Variants in DISP3 observed in about 807,000 individuals in gnomAD.
DISP3 encodes the protein protein dispatched homolog 3.
DISP3 carries 101 observed loss-of-function variants against 135.3 expected under a neutral mutation model. That is an observed-to-expected ratio of 0.75 (90% confidence interval 0.64 to 0.88). The LOEUF (loss-of-function observed/expected upper bound fraction) is 0.88, where lower values mean the gene tolerates loss of function less well. Among genes scored for constraint, DISP3 ranks in the 40% least tolerant of loss-of-function variants. DISP3 has a pLI of 0.00. For missense variants in DISP3, 1,713 were observed against 1,878.6 expected (o/e 0.91, Z 1.63); for synonymous variants, 856 against 817.0 (o/e 1.05, Z -0.81).
chr1:11,502,836 C>G lies in DISP3; in HGVS notation c.1255C>G (p.Arg419Gly). Residue 419 changes from arginine (R) to glycine (G), a missense_variant, in exon 3 of 21, where the codon CGG becomes GGG. Physicochemically the swap from Arg to Gly is moderately radical, Grantham distance 125 (BLOSUM62 -2). This residue lies in a region of DISP3 where 1,142 missense variants were observed against 1,384.6 expected (regional missense o/e 0.82). Transcript: ENST00000294484. ...YSVDDRWEEQ[R>G]AKFQSFVVTY... ...AGTAGATGACCGCTGGGAGGAACAA[C>G]GGGCTAAGTTTCAGAGCTTCGTGGT... is the stretch of plus-strand genomic sequence containing the variant. The G allele has an allele frequency of 1.2e-6, 2 of 1,614,220 alleles. No individual in the cohort carries two copies. Among genetic ancestry groups the G allele is most frequent in the Middle Eastern group, 1.7e-4 (1 of 6,050 alleles).
At chr1:11,481,098 C>G (rs1384410813) in intron 1 of DISP3, among the ~76,000 whole-genome samples, 2 of 151,848 alleles carry the variant, frequency 1.3e-5, no homozygotes, top group African/African-American at 2.4e-5. Context: ...CACATGCACC[C>G]TCTTTTTTTG....
chr1:11,498,316 G>C (rs1010158469), intron 1 of DISP3, among the ~76,000 whole-genome samples: 2 of 152,206 alleles, frequency 1.3e-5, no homozygotes, highest in African/African-American at 4.8e-5. Flanking sequence ...ATGACCGGGG[G>C]CTGGAATTGT....
chr1:11,500,256 G>A (rs1641465040), intron 1 of DISP3, among the ~76,000 whole-genome samples: 1 of 152,270 alleles, frequency 6.6e-6, no homozygotes, highest in South Asian at 2.1e-4. Context: ...GGAGAGCCGT[G>A]ACAGGCACCT....
In DISP3 at chr1:11,521,936, G is replaced by A. The variant is rs185708834; in HGVS notation, c.2362+1088G>A. ...AGTCTCCCAGGTGCTGTGTGGAGGTGGACTAGGGCACTGGGGTGGAAGCTA... is the reference window on the plus strand; with the variant it reads ...AGTCTCCCAGGTGCTGTGTGGAGGTAGACTAGGGCACTGGGGTGGAAGCTA... On this transcript the variant is annotated intron_variant, in intron 10 of 20. Transcript: ENST00000294484. Among the ~76,000 whole-genome samples, 116 of 152,252 alleles carry A rather than the reference G, an allele frequency of 7.6e-4. 1 individual carries two copies. The South Asian group carries it at 0.017, about 22-fold the overall frequency.
At chr1:11,522,636 C>CAGGACCCAGCG (rs1360736386) in intron 10 of DISP3, among the ~76,000 whole-genome samples, 1 of 113,640 alleles carries the variant, frequency 8.8e-6, no homozygotes, top group Non-Finnish European at 2.0e-5. Context: ...AGAGCCCAGC[C>CAGGACCCAGCG]AGAGCCCAGC....
intron 1 of DISP3, among the ~76,000 whole-genome samples, chr1:11,494,891 AGG>A (rs1641288827): frequency 6.6e-6 from 1 of 152,004 alleles, no homozygotes; most frequent in Non-Finnish European, 1.5e-5. Context: ...TTGCCAGAGG[AGG>A]GAAGTTATAA....
chr1:11,501,938 T>G lies in DISP3; in HGVS notation c.946T>G (p.Trp316Gly). The change falls in exon 2 of 21, where the codon TGG becomes GGG. Residue 316 changes from tryptophan to glycine, a missense_variant. Trp to Gly is a radical substitution (Grantham distance 184). Around this residue, in one of 2 missense-constraint regions of DISP3, gnomAD observed 571 missense variants for 494.1 expected, o/e 1.16. Coordinates refer to ENST00000294484, the MANE Select transcript of DISP3 (RefSeq NM_020780.2). This position sits in a 1 kb window ranked among gnomAD's most constrained non-coding sequence, Gnocchi z 4.9. ...CCACCCAGGCTTCCGGGAGTTCTGC[T>G]GGAAGCCCCACGAGGTGCTCAAGGA... Reference protein sequence around the residue: ...MDHPGFREFCWKPHEVLKDLP... With the variant: ...MDHPGFREFCGKPHEVLKDLP... The G allele has an allele frequency of 6.2e-7, 1 of 1,613,776 alleles. No individual in the cohort carries two copies. The highest frequency in any genetic ancestry group is 8.5e-7 in the Non-Finnish European group (1 of 1,179,932).
At position 11,519,716 on chromosome 1, in the gene DISP3, C is replaced by A; in HGVS notation, c.2039-3C>A. 6.2e-7 allele frequency: 1 copy of A among 1,612,222 alleles called. No individual in the cohort carries two copies. The highest frequency in any genetic ancestry group is 8.5e-7 in the Non-Finnish European group (1 of 1,179,702). On this transcript the variant is annotated splice_region_variant and splice_polypyrimidine_tract_variant and intron_variant, in intron 8 of 20. Transcript: ENST00000294484. The surrounding 1 kb of genome is among the most constrained non-coding windows in gnomAD (Gnocchi z 4.3). ...CTGACGGGCCACTGCTCTGCCCTGG[C>A]AGTGTCACTGGAGCTGGGAGACGTG...
intron 10 of DISP3, among the ~76,000 whole-genome samples, chr1:11,522,433 C>T (rs1642224055): frequency 6.6e-6 from 1 of 152,182 alleles, no homozygotes; most frequent in African/African-American, 2.4e-5. Context: ...ACCCCACTGC[C>T]AGGATGTGGC....
At position 11,519,796 on chromosome 1, in the gene DISP3, C is replaced by A. The variant is rs749520950; in HGVS notation, c.2116C>A (p.Arg706Ser). Residue 706 changes from arginine to serine, a missense_variant, in exon 9 of 21, where the codon CGC becomes AGC. This residue lies in a region of DISP3 where 1,142 missense variants were observed against 1,384.6 expected (regional missense o/e 0.82). Transcript: ENST00000294484. This position sits in a 1 kb window ranked among gnomAD's most constrained non-coding sequence, Gnocchi z 4.3. ...GLQPASNTGS[R>S]GHLIVQLQEL... ...GCAGCCAGCCTCCAACACGGGCAGC[C>A]GCGGCCATCTCATCGTGCAGCTGCA... 3 of 1,612,864 alleles carry A rather than the reference C, an allele frequency of 1.9e-6. No individual in the cohort carries two copies. Among genetic ancestry groups the A allele is most frequent in the Non-Finnish European group, 2.5e-6 (3 of 1,180,020 alleles).
In DISP3 at chr1:11,529,176, G is replaced by A. The variant is rs1642506605; in HGVS notation, c.2799-380G>A. Among the ~76,000 whole-genome samples the A allele has an allele frequency of 6.6e-6, 1 of 152,164 alleles. No individual in the cohort carries two copies. ...ACTGTTGGGGTTGAGGCAAGGCTGG[G>A]GGCTTCTGAGCGAGGACCACTAGGG... On this transcript the variant is annotated intron_variant, in intron 13 of 20. Transcript: ENST00000294484. The surrounding 1 kb of genome is among the most constrained non-coding windows in gnomAD (Gnocchi z 4.7).
At position 11,519,650 on chromosome 1, in the gene DISP3, C is replaced by T. The variant is rs369293682; in HGVS notation, c.2039-69C>T. ...TTCCTCACCAGGCATCTGGGCTTCCCTGGAAGCGAGCGTGGACCACAGTGG... is the reference window on the plus strand; with the variant it reads ...TTCCTCACCAGGCATCTGGGCTTCCTTGGAAGCGAGCGTGGACCACAGTGG... On this transcript the variant is annotated intron_variant, in intron 8 of 20. Coordinates refer to ENST00000294484, the MANE Select transcript of DISP3 (RefSeq NM_020780.2). The surrounding 1 kb of genome is among the most constrained non-coding windows in gnomAD (Gnocchi z 4.3). The T allele has an allele frequency of 5.1e-6, 8 of 1,579,628 alleles. No homozygotes were observed. Among genetic ancestry groups the T allele is most frequent in the African/African-American group, 2.7e-5 (2 of 74,476 alleles).
In DISP3 at chr1:11,491,725, G is replaced by A. The variant is rs181783797; in HGVS notation, c.-3-9265G>A. ...AGTATGCCTAGTGACTCCGATTCAC[G>A]TAAAAGTCCAAGGATCTTTGGGGCA... On this transcript the variant is annotated intron_variant, in intron 1 of 20. Coordinates refer to ENST00000294484, the MANE Select transcript of DISP3 (RefSeq NM_020780.2). The surrounding 1 kb of genome is among the most constrained non-coding windows in gnomAD (Gnocchi z 4.3). 2.0e-4 allele frequency among the ~76,000 whole-genome samples: 31 copies of A among 152,260 alleles called. 1 individual carries two copies. The highest frequency in any genetic ancestry group is 1.9e-3 in the South Asian group (9 of 4,826).
At position 11,519,334 on chromosome 1, in the gene DISP3, T is replaced by C. The variant is rs368684939; in HGVS notation, c.1890-21T>C. 1.3e-5 allele frequency: 21 copies of C among 1,607,836 alleles called. No homozygotes were observed. In the African/African-American group the frequency reaches 1.3e-4, roughly 10 times the overall value. ...TACCCAGGACCCTCTGGTTCACCCC[T>C]GTCCCCTACTCTCTCCACAGCTGCC... is the stretch of plus-strand genomic sequence containing the variant. On this transcript the variant is annotated intron_variant, in intron 7 of 20. Coordinates refer to ENST00000294484, the MANE Select transcript of DISP3 (RefSeq NM_020780.2). This position sits in a 1 kb window ranked among gnomAD's most constrained non-coding sequence, Gnocchi z 4.3.
In DISP3 at chr1:11,499,597, C is replaced by A. The variant is rs1435817228; in HGVS notation, c.-3-1393C>A. The stretch of plus-strand genomic sequence containing the variant: ...ATTCCCACCCCTTCCAGGCCTCTCT[C>A]CTGCAAGTCTTCCGCTGCGCACCCC... On this transcript the variant is annotated intron_variant, in intron 1 of 20. Coordinates refer to ENST00000294484, the MANE Select transcript of DISP3 (RefSeq NM_020780.2). This position sits in a 1 kb window ranked among gnomAD's most constrained non-coding sequence, Gnocchi z 5.2. Among the ~76,000 whole-genome samples, 1 of 152,170 alleles carries A rather than the reference C, an allele frequency of 6.6e-6. No homozygotes were observed. The highest frequency in any genetic ancestry group is 1.5e-5 in the Non-Finnish European group (1 of 68,038).
At chr1:11,510,016 G>A (rs1042041516) in intron 3 of DISP3, among the ~76,000 whole-genome samples, 4 of 152,014 alleles carry the variant, frequency 2.6e-5, no homozygotes, top group East Asian at 1.9e-4. Flanking sequence ...GGAGAATGGC[G>A]TGAACCCGGG....
intron 1 of DISP3, among the ~76,000 whole-genome samples, chr1:11,487,037 T>C (rs1641055502): frequency 6.6e-6 from 1 of 152,178 alleles, no homozygotes; most frequent in South Asian, 2.1e-4. Flanking sequence ...AATAAGTGAA[T>C]GAAGTTAGAA....
intron 1 of DISP3, among the ~76,000 whole-genome samples, chr1:11,480,017 G>T (rs1640849735): frequency 1.3e-5 from 2 of 152,212 alleles, no homozygotes; most frequent in Non-Finnish European, 2.9e-5. Flanking sequence ...GGGCAGCCGG[G>T]CAGTGGCGGC....
At position 11,534,494 on chromosome 1, in the gene DISP3, C is replaced by T; in HGVS notation, c.3489C>T (p.Gly1163=). 6.2e-7 allele frequency: 1 copy of T among 1,613,784 alleles called. No homozygotes were observed. The highest frequency in any genetic ancestry group is 8.5e-7 in the Non-Finnish European group (1 of 1,179,848). Residue 1163 remains glycine, a synonymous_variant, in exon 18 of 21, where the codon GGC becomes GGT. Coordinates refer to ENST00000294484, the MANE Select transcript of DISP3 (RefSeq NM_020780.2). ...CCGAGGGCTCAGTCCTGCGCCGGGG[C>T]TTCCAGACCTGCGAGCACTGGAAGC... The part of the protein sequence containing the change: ...ALPEGSVLRR[G]FQTCEHWKQI...
Sources: allele counts gnomAD v4.1 joint callset (sites outside exome capture counted in the v4.1 genomes callset), GRCh38; gene constraint gnomAD v4.1.1; regional missense constraint gnomAD v4.1.1; non-coding constraint Gnocchi (gnomAD v3.1); transcripts MANE v1.5; gene names NCBI Gene and HGNC (gene_info 2026-07-23, HGNC 2026-07-21).